Variants in PCDH11X observed in about 807,000 individuals in gnomAD.
PCDH11X encodes the protein protocadherin 11 X-linked, also known as protocadherin-11 X-linked.
In PCDH11X, 18 loss-of-function variants were observed where a neutral mutation model predicts 53.3. That is an observed-to-expected ratio of 0.34 (90% CI 0.23 to 0.50). The LOEUF (loss-of-function observed/expected upper bound fraction) is 0.50. Ranked by LOEUF, PCDH11X falls within the 20% of genes least tolerant of loss-of-function variation. PCDH11X has a pLI of 0.98. For missense variants in PCDH11X, 570 were observed against 1,032.4 expected (o/e 0.55, Z 6.14); for synonymous variants, 279 against 393.3 (o/e 0.71, Z 3.44).
chrX:92,090,167 C>T (rs2064026292), intron 6 of PCDH11X, among the ~76,000 whole-genome samples: 1 of 111,213 alleles, frequency 9.0e-6, no homozygotes, highest in Non-Finnish European at 1.9e-5. Flanking sequence ...GATTGTGTGG[C>T]ATTGCTAAGA....
chrX:92,287,535 T>C (rs1017712140), intron 8 of PCDH11X, among the ~76,000 whole-genome samples: 2 of 111,650 alleles, frequency 1.8e-5, no homozygotes, highest in Non-Finnish European at 3.8e-5. Context: ...CACTACAGCA[T>C]TTAATGTGCT....
At position 92,118,731 on chromosome X, in the gene PCDH11X, CTTTTTTTTTTTTT is replaced by C. The variant is rs199880924; in HGVS notation, c.3034-82628_3034-82616del. 3.7e-4 allele frequency among the ~76,000 whole-genome samples: 17 copies of C among 45,631 alleles called. No homozygotes were observed. The South Asian group carries it at 9.5e-3, about 25-fold the overall frequency. 39.6% of individuals were successfully genotyped at this position (45,631 alleles called of 115,157 possible). On this transcript the variant is annotated intron_variant, in intron 6 of 10. Transcript: ENST00000682573. ...ATTATTGGTTTGGTTATAATGCAGTCTTTTTTTTTTTTTTTTTTTTTTTTTTTTGAGACGGAGT... is the reference window on the plus strand; with the variant it reads ...ATTATTGGTTTGGTTATAATGCAGTCTTTTTTTTTTTTTTTGAGACGGAGT...
intron 9 of PCDH11X, among the ~76,000 whole-genome samples, chrX:92,414,707 T>G (rs1171964538): frequency 9.7e-6 from 1 of 103,109 alleles, no homozygotes; most frequent in African/African-American, 3.9e-5. Context: ...CATCACAGAC[T>G]GTTTCATAGA....
chrX:91,905,763 A>G (rs1941131437), intron 6 of PCDH11X, among the ~76,000 whole-genome samples: 1 of 111,228 alleles, frequency 9.0e-6, no homozygotes, highest in South Asian at 3.8e-4. Flanking sequence ...TGACACATCA[A>G]CTAATTTTCT....
At chrX:92,052,130 C>T (rs1381485872) in intron 6 of PCDH11X, among the ~76,000 whole-genome samples, 1 of 111,795 alleles carries the variant, frequency 8.9e-6, no homozygotes, top group South Asian at 3.7e-4. Context: ...AATGTCCCAT[C>T]CCCATTTCTT....
At chrX:92,522,359 A>G (rs1255560557) in intron 10 of PCDH11X, among the ~76,000 whole-genome samples, 1 of 112,012 alleles carries the variant, frequency 8.9e-6, no homozygotes, top group Admixed American at 9.5e-5. Context: ...GAGTAATCAT[A>G]GCACACACAT....
At chrX:92,101,110 G>A (rs1157738192) in intron 6 of PCDH11X, among the ~76,000 whole-genome samples, 1 of 112,051 alleles carries the variant, frequency 8.9e-6, no homozygotes, top group Non-Finnish European at 1.9e-5. Context: ...AAGAGTAGCG[G>A]TTTGGGGATA....
At chrX:92,383,877 T>TCTC (rs1200685300) in intron 8 of PCDH11X, among the ~76,000 whole-genome samples, 3 of 111,890 alleles carry the variant, frequency 2.7e-5, no homozygotes, top group African/African-American at 9.8e-5. Context: ...TATTTCTGGT[T>TCTC]CTAGACCCTT....
chrX:92,613,428 T>C (rs1255883822), intron 10 of PCDH11X, among the ~76,000 whole-genome samples: 8 of 110,943 alleles, frequency 7.2e-5, no homozygotes, highest in African/African-American at 2.3e-4. Flanking sequence ...GGCCTCCAAT[T>C]TCTGTTAGCT....
At chrX:92,602,280 C>T (rs2750677) in intron 10 of PCDH11X, among the ~76,000 whole-genome samples, 1 of 111,307 alleles carries the variant, frequency 9.0e-6, no homozygotes, top group Non-Finnish European at 1.9e-5. Flanking sequence ...AAGAAGAAGC[C>T]GATAGCTCCA....
chrX:91,800,723 A>T, intron 1 of PCDH11X, among the ~76,000 whole-genome samples: 1 of 111,288 alleles, frequency 9.0e-6, no homozygotes, highest in South Asian at 3.8e-4. Context: ...GCTATCATTG[A>T]CTTTGGAAAA....
chrX:92,537,029 T>A (rs1194189949), intron 10 of PCDH11X, among the ~76,000 whole-genome samples: 1 of 111,736 alleles, frequency 8.9e-6, no homozygotes, highest in Non-Finnish European at 1.9e-5. Context: ...TTGCCTGTTT[T>A]GAATTGCATT....
rs1311116907 is a variant in PCDH11X, at chrX:92,491,261, A to T, written c.3367+22939A>T. On this transcript the variant is annotated intron_variant, in intron 10 of 10. Coordinates refer to ENST00000682573, the MANE Select transcript of PCDH11X (RefSeq NM_032968.5). The stretch of plus-strand genomic sequence containing the variant: ...AAAGAGAATGCATACTACATAATAA[A>T]TCGCACTTTGAAAATTCCAAGGTCC... Among the ~76,000 whole-genome samples, 8 of 111,100 alleles carry T rather than the reference A, an allele frequency of 7.2e-5. No individual in the cohort carries two copies. The South Asian group carries it at 1.2e-3, about 16-fold the overall frequency.
intron 10 of PCDH11X, among the ~76,000 whole-genome samples, chrX:92,523,968 G>T (rs1336862734): frequency 2.7e-5 from 3 of 109,692 alleles, no homozygotes; most frequent in Admixed American, 2.0e-4. Context: ...TTCAATTAAG[G>T]TGAGTTCTTT....
chrX:92,303,347 C>T (rs1267010168), intron 8 of PCDH11X, among the ~76,000 whole-genome samples: 2 of 110,354 alleles, frequency 1.8e-5, no homozygotes, highest in Admixed American at 9.7e-5. Context: ...AAGATAACAG[C>T]ATTGCAGAAC....
chrX:92,570,040 C>T (rs1922017763), intron 10 of PCDH11X, among the ~76,000 whole-genome samples: 1 of 95,888 alleles, frequency 1.0e-5, no homozygotes, highest in Non-Finnish European at 2.1e-5. Flanking sequence ...AAAAAAAAAC[C>T]AGAAAAAAGA....
At chrX:92,132,901 T>A (rs1204317204) in intron 6 of PCDH11X, among the ~76,000 whole-genome samples, 2 of 108,935 alleles carry the variant, frequency 1.8e-5, no homozygotes, top group East Asian at 5.7e-4. Flanking sequence ...CAAATCCTTT[T>A]CAATTAATAA....
At chrX:91,940,337 G>A (rs1222168997) in intron 6 of PCDH11X, among the ~76,000 whole-genome samples, 1 of 111,070 alleles carries the variant, frequency 9.0e-6, no homozygotes, top group Admixed American at 9.6e-5. Flanking sequence ...AGTAACGCAA[G>A]AACAGCCTTA....
At chrX:92,484,154 TATATGTATATATGTATA>T (rs1286199620) in intron 10 of PCDH11X, among the ~76,000 whole-genome samples, 2 of 43,190 alleles carry the variant, frequency 4.6e-5, no homozygotes, top group Non-Finnish European at 9.2e-5. Flanking sequence ...TATATATGTA[TATATGTATATATGTATA>T]TATATGTATG....
Sources: gnomAD v4.1 joint callset for allele counts (sites outside exome capture counted in the v4.1 genomes callset) on GRCh38, gnomAD v4.1.1 for gene constraint, MANE v1.5 for transcripts, NCBI Gene and HGNC (gene_info 2026-07-23, HGNC 2026-07-21) for gene names.